RGPD6: variants seen among roughly 807,000 people sequenced by gnomAD.
RGPD6 encodes the protein RANBP2 like and GRIP domain containing 6, also known as RANBP2-like and GRIP domain-containing protein 5/6.
chr2:110,604,599 T>C, the RGPD6 span, among the ~76,000 whole-genome samples: 1 of 151,460 alleles, frequency 6.6e-6, no homozygotes, highest in Non-Finnish European at 1.5e-5. Context: ...AACAAAAAAA[T>C]TATGTTACCA....
At chr2:110,605,279 G>A in the RGPD6 span, among the ~76,000 whole-genome samples, 2 of 151,672 alleles carry the variant, frequency 1.3e-5, no homozygotes, top group African/African-American at 2.4e-5. Context: ...ACTCTACTGA[G>A]AAGGCTTTGC....
chr2:110,592,774 C>T, the RGPD6 span, among the ~76,000 whole-genome samples: 1 of 138,004 alleles, frequency 7.2e-6, no homozygotes. Context: ...AGTGAGACTC[C>T]ATCTCAAAAA....
the RGPD6 span, among the ~76,000 whole-genome samples, chr2:110,606,122 G>A: frequency 6.6e-6 from 1 of 151,768 alleles, no homozygotes; most frequent in African/African-American, 2.4e-5. Flanking sequence ...AAAGAGGATA[G>A]GAAATATCGA....
chr2:110,601,670 C>A, the RGPD6 span, among the ~76,000 whole-genome samples: 1 of 141,342 alleles, frequency 7.1e-6, no homozygotes. Context: ...TTGCATATTA[C>A]AAGAAATGGT....
chr2:110,611,030 C>G, the RGPD6 span: 5 of 960,980 alleles, frequency 5.2e-6, no homozygotes, highest in Non-Finnish European at 6.1e-6. Flanking sequence ...GCAGCGAGCT[C>G]GCCGCGCCGC....
the RGPD6 span, among the ~76,000 whole-genome samples, chr2:110,590,826 TGAACACAACCA>T: frequency 6.6e-6 from 1 of 151,700 alleles, no homozygotes; most frequent in African/African-American, 2.4e-5. Flanking sequence ...GACAGTGAAA[TGAACACAACCA>T]GACTTGATCA....
chr2:110,596,998 A>T, the RGPD6 span, among the ~76,000 whole-genome samples: 2 of 119,298 alleles, frequency 1.7e-5, no homozygotes, highest in African/African-American at 7.3e-5. Flanking sequence ...TTTGTTTTTG[A>T]GAAGGAGTCT....
the RGPD6 span, chr2:110,610,822 C>G: frequency 9.3e-7 from 1 of 1,074,666 alleles, no homozygotes; most frequent in South Asian, 3.4e-5. Flanking sequence ...CCGCCGCCGC[C>G]GAAGCTCGGG....
the RGPD6 span, among the ~76,000 whole-genome samples, chr2:110,595,621 A>ATG: frequency 9.2e-6 from 1 of 108,298 alleles, no homozygotes; most frequent in African/African-American, 3.7e-5. Flanking sequence ...TCCAATATAT[A>ATG]TGTGGGCTTT....
the RGPD6 span, among the ~76,000 whole-genome samples, chr2:110,607,355 T>G: frequency 1.8e-4 from 27 of 151,308 alleles, no homozygotes; most frequent in African/African-American, 6.6e-4. Context: ...GAGGTGGAAA[T>G]TAGGGCCATC....
At chr2:110,593,475 T>C in the RGPD6 span, among the ~76,000 whole-genome samples, 1 of 145,044 alleles carries the variant, frequency 6.9e-6, no homozygotes, top group East Asian at 2.0e-4. Flanking sequence ...CAGACATTTA[T>C]TTGGTCTACT....
the RGPD6 span, chr2:110,610,887 G>A: frequency 1.2e-6 from 1 of 834,352 alleles, no homozygotes; most frequent in Non-Finnish European, 1.4e-6. Context: ...AGCCGCGCCA[G>A]AGCGGCCGCC....
chr2:110,590,759 CA>C, the RGPD6 span, among the ~76,000 whole-genome samples: 1 of 152,142 alleles, frequency 6.6e-6, no homozygotes, highest in African/African-American at 2.4e-5. Flanking sequence ...TCAACCAACC[CA>C]CACAACGAGG....
At chr2:110,610,044 G>T in the RGPD6 span, among the ~76,000 whole-genome samples, 5 of 144,546 alleles carry the variant, frequency 3.5e-5, no homozygotes, top group East Asian at 2.0e-4. Flanking sequence ...GCGCCCGGGT[G>T]GGGTGGGGAG....
chr2:110,603,967 A>G, the RGPD6 span, among the ~76,000 whole-genome samples: 4 of 150,070 alleles, frequency 2.7e-5, no homozygotes, highest in African/African-American at 9.9e-5. Flanking sequence ...GTTTCCAGTG[A>G]AACTAAATTA....
the RGPD6 span, among the ~76,000 whole-genome samples, chr2:110,600,124 C>A: frequency 6.7e-6 from 1 of 148,908 alleles, no homozygotes; most frequent in Admixed American, 6.7e-5. Context: ...TCAGGCAGAA[C>A]GGACTTTATC....
At chr2:110,606,730 A>C in the RGPD6 span, among the ~76,000 whole-genome samples, 23 of 149,834 alleles carry the variant, frequency 1.5e-4, no homozygotes, top group Non-Finnish European at 2.7e-4. Flanking sequence ...AGATGTCTCC[A>C]TGTACTCTCA....
the RGPD6 span, chr2:110,610,991 G>A: frequency 9.4e-6 from 9 of 958,316 alleles, no homozygotes; most frequent in Non-Finnish European, 1.1e-5. Flanking sequence ...CCCGCTCCCC[G>A]GCTTGCGCGC....
At chr2:110,593,065 A>C in the RGPD6 span, among the ~76,000 whole-genome samples, 3 of 148,296 alleles carry the variant, frequency 2.0e-5, no homozygotes, top group Admixed American at 2.0e-4. Context: ...GCTAAGATTT[A>C]TACGGAGAAA....
Sources: allele counts gnomAD v4.1 joint callset (sites outside exome capture counted in the v4.1 genomes callset), GRCh38; gene constraint gnomAD v4.1.1; transcripts MANE v1.5; gene names NCBI Gene and HGNC (gene_info 2026-07-23, HGNC 2026-07-21).